ST6GAL2: variants seen among roughly 807,000 people sequenced by gnomAD.
The protein encoded by ST6GAL2 is beta-galactoside alpha-2,6-sialyltransferase 2.
Under a neutral mutation model 37.5 loss-of-function variants are expected in ST6GAL2, and 24 were observed. The observed-to-expected ratio is 0.64, with a 90% CI of 0.46 to 0.90. The LOEUF is 0.90. ST6GAL2 is among the 40% of genes least tolerant of loss of function. The pLI, the probability that ST6GAL2 is intolerant of heterozygous loss-of-function variation, is 0.00. For synonymous variants in ST6GAL2, 306 were observed against 295.1 expected (o/e 1.04, Z -0.38); for missense variants, 715 against 712.7 (o/e 1.00, Z -0.04).
chr2:106,834,179 T>C, intron 2 of ST6GAL2, 33 bp from the exon 3 acceptor site: 1 of 1,511,096 alleles, frequency 6.6e-7, no homozygotes, highest in Non-Finnish European at 9.2e-7. Context: ...CTTACTTTTG[T>C]TCTCTGTAGA....
At chr2:106,836,548 T>C (rs1032990050) in intron 2 of ST6GAL2, among the ~76,000 whole-genome samples, 12 of 151,908 alleles carry the variant, frequency 7.9e-5, no homozygotes, top group African/African-American at 2.4e-4. Flanking sequence ...CTGAAAACTA[T>C]CAGCTAGGCA....
rs1401296066 is a variant in ST6GAL2, at chr2:106,843,407, C to A, written c.571G>T (p.Asp191Tyr). ...ATGGAGGAGTACAGCCTGTCGCCGTCGTCGCCCTCCTCCAACACGTGGCTC... is the reference window on the plus strand; with the variant it reads ...ATGGAGGAGTACAGCCTGTCGCCGTAGTCGCCCTCCTCCAACACGTGGCTC... ...RRSHVLEEGDDGDRLYSSMSR... is the reference protein window; with the variant it reads ...RRSHVLEEGDYGDRLYSSMSR... The change falls in exon 2 of 6, where the codon GAC becomes TAC. Residue 191 changes from aspartate (D) to tyrosine (Y), a missense_variant. Physicochemically the swap from Asp to Tyr is radical, Grantham distance 160. Transcript: ENST00000409382. The A allele has an allele frequency of 1.9e-6, 3 of 1,614,134 alleles. No homozygotes were observed. The highest frequency in any genetic ancestry group is 2.5e-6 in the Non-Finnish European group (3 of 1,180,022).
chr2:106,822,479 C>T (rs1407866193), intron 5 of ST6GAL2, among the ~76,000 whole-genome samples: 1 of 151,852 alleles, frequency 6.6e-6, no homozygotes, highest in African/African-American at 2.4e-5. Context: ...ATAAAACATC[C>T]ATGAAAGAAG....
intron 2 of ST6GAL2, among the ~76,000 whole-genome samples, chr2:106,835,225 G>A (rs549388771): frequency 6.6e-6 from 1 of 152,282 alleles, no homozygotes; most frequent in South Asian, 2.1e-4. Flanking sequence ...CCTGGAGCAA[G>A]GACAGTGCCT....
chr2:106,865,649 T>G (rs544452975), intron 1 of ST6GAL2, among the ~76,000 whole-genome samples: 6 of 152,332 alleles, frequency 3.9e-5, no homozygotes, highest in Admixed American at 2.0e-4. Flanking sequence ...TCCATCCTCG[T>G]TGTAAGACAC....
chr2:106,866,336 G>T (rs935550498), intron 1 of ST6GAL2, among the ~76,000 whole-genome samples: 1 of 152,194 alleles, frequency 6.6e-6, no homozygotes, highest in Non-Finnish European at 1.5e-5. Context: ...TTGACTTTGT[G>T]TGCTATACCT....
intron 1 of ST6GAL2, among the ~76,000 whole-genome samples, chr2:106,848,043 CTTT>C (rs1170945878): frequency 6.4e-5 from 9 of 140,144 alleles, no homozygotes; most frequent in Non-Finnish European, 4.7e-5. Context: ...TTTTCTCTTT[CTTT>C]TTTTTTTTTT....
chr2:106,827,270 C>T (rs1472275117), intron 5 of ST6GAL2, among the ~76,000 whole-genome samples: 1 of 152,164 alleles, frequency 6.6e-6, no homozygotes, highest in Non-Finnish European at 1.5e-5. Context: ...CATTTTACTG[C>T]TATTTAAGGA....
chr2:106,842,418 G>C (rs1327360313), intron 2 of ST6GAL2, among the ~76,000 whole-genome samples: 1 of 152,194 alleles, frequency 6.6e-6, no homozygotes, highest in Non-Finnish European at 1.5e-5. Context: ...GTGCCCCAAA[G>C]GTTGGATTTG....
chr2:106,884,936 C>CATATATATATATATATATATAT, intron 1 of ST6GAL2, among the ~76,000 whole-genome samples: 1 of 95,964 alleles, frequency 1.0e-5, no homozygotes, highest in East Asian at 2.5e-4. Context: ...TATATATATA[C>CATATATATATATATATATATAT]ATACACACAC....
chr2:106,833,415 GTGA>G (rs1558690911), intron 3 of ST6GAL2, among the ~76,000 whole-genome samples: 26 of 152,318 alleles, frequency 1.7e-4, no homozygotes, highest in Middle Eastern at 3.4e-3. Context: ...GCCTGGTGCA[GTGA>G]ACTGTGCAGA....
In ST6GAL2 at chr2:106,866,008, T is replaced by C. The variant is rs894791614; in HGVS notation, c.-58+20085A>G. On this transcript the variant is annotated intron_variant, in intron 1 of 5. Transcript: ENST00000409382. Reference sequence around the variant, plus strand: ...TCTTTACCACAATAGAGCCATCACATTGGAAAACTTGCTCAGCAGTAGAAG... The same window carrying C: ...TCTTTACCACAATAGAGCCATCACACTGGAAAACTTGCTCAGCAGTAGAAG... Among the ~76,000 whole-genome samples the C allele has an allele frequency of 2.0e-5, 3 of 152,230 alleles. No individual in the cohort carries two copies. The East Asian group carries it at 5.8e-4, about 29-fold the overall frequency.
intron 5 of ST6GAL2, among the ~76,000 whole-genome samples, chr2:106,814,650 G>A (rs1675732791): frequency 6.6e-6 from 1 of 152,206 alleles, no homozygotes; most frequent in Admixed American, 6.5e-5. Flanking sequence ...GGGAGCCGGG[G>A]TGGGTGAGGC....
chr2:106,831,895 A>C (rs975340122), intron 4 of ST6GAL2, among the ~76,000 whole-genome samples: 1 of 152,190 alleles, frequency 6.6e-6, no homozygotes, highest in African/African-American at 2.4e-5. Context: ...GCTAAATACT[A>C]TCCATCTTTT....
rs1274614025 is a variant in ST6GAL2 at position 106,802,639 on chromosome 2, C to G, written c.*4039G>C. 6.6e-6 allele frequency: 1 copy of G among 152,132 alleles called. No individual in the cohort carries two copies. Among genetic ancestry groups the G allele is most frequent in the Non-Finnish European group, 1.5e-5 (1 of 68,004 alleles). The allele number at this position is 152,132 out of a possible 1,614,324, so 9.4% of individuals were successfully genotyped here. On this transcript the variant is annotated 3_prime_UTR_variant, in exon 6 of 6. Coordinates refer to ENST00000409382, the MANE Select transcript of ST6GAL2 (RefSeq NM_001142351.2). ...AGTTGAAACTCAGGGACATTTTACC[C>G]AAGCAATTAATTTCCAGATGGAGTT...
At chr2:106,812,937 T>A (rs920780536) in intron 5 of ST6GAL2, 1 of 835,680 alleles carries the variant, frequency 1.2e-6, no homozygotes, top group South Asian at 6.3e-5. Flanking sequence ...CTACAAAAAA[T>A]TAACAACTTT....
chr2:106,842,518 A>G (rs1051014520), intron 2 of ST6GAL2, among the ~76,000 whole-genome samples: 2 of 152,180 alleles, frequency 1.3e-5, no homozygotes, highest in Admixed American at 1.3e-4. Flanking sequence ...ACAGTAACCA[A>G]TATTATCTTC....
At chr2:106,814,690 A>C (rs1248127450) in intron 5 of ST6GAL2, among the ~76,000 whole-genome samples, 1 of 152,208 alleles carries the variant, frequency 6.6e-6, no homozygotes, top group Non-Finnish European at 1.5e-5. Flanking sequence ...TGGATGCCCT[A>C]CTGCATGCAG....
intron 1 of ST6GAL2, among the ~76,000 whole-genome samples, chr2:106,875,926 C>A (rs1304602587): frequency 6.6e-6 from 1 of 152,164 alleles, no homozygotes; most frequent in African/African-American, 2.4e-5. Context: ...AATTCAGAGG[C>A]TACAAGTTAA....
Sources: allele counts gnomAD v4.1 joint callset (sites outside exome capture counted in the v4.1 genomes callset), GRCh38; gene constraint gnomAD v4.1.1; transcripts MANE v1.5; gene names NCBI Gene and HGNC (gene_info 2026-07-23, HGNC 2026-07-21).